The following ADAMTS12 variants were observed in gnomAD, a reference collection of about 807,000 sequenced individuals.
ADAMTS12 encodes A disintegrin and metalloproteinase with thrombospondin motifs 12.
In ADAMTS12, 118 loss-of-function variants were observed where a neutral mutation model predicts 167.8. The ratio of observed to expected loss-of-function variants is 0.70; its 90% CI spans 0.61 to 0.82. ADAMTS12 has a LOEUF of 0.82. Ranked by LOEUF, ADAMTS12 falls within the 40% of genes least tolerant of loss-of-function variation. The pLI is 0.00. For missense variants in ADAMTS12, 1,916 were observed against 1,998.8 expected (o/e 0.96, Z 0.79); for synonymous variants, 704 against 716.9 (o/e 0.98, Z 0.29).
intron 2 of ADAMTS12, among the ~76,000 whole-genome samples, chr5:33,757,323 T>C (rs1240147998): frequency 1.3e-5 from 2 of 152,124 alleles, no homozygotes; most frequent in Non-Finnish European, 2.9e-5. Flanking sequence ...TTCACCAAAA[T>C]TAAAATGAAT....
chr5:33,788,645 T>C (rs564677237), intron 2 of ADAMTS12, among the ~76,000 whole-genome samples: 2 of 152,272 alleles, frequency 1.3e-5, no homozygotes, highest in Non-Finnish European at 2.9e-5. Context: ...CAGGAAGCTA[T>C]TTTGAATTTC....
intron 3 of ADAMTS12, among the ~76,000 whole-genome samples, chr5:33,710,753 C>T (rs1470858592): frequency 1.3e-5 from 2 of 152,132 alleles, no homozygotes; most frequent in African/African-American, 4.8e-5. Flanking sequence ...AGAAGCATCA[C>T]TTTGAGGGTG....
intron 1 of ADAMTS12, among the ~76,000 whole-genome samples, chr5:33,883,855 T>C (rs1184879971): frequency 6.6e-6 from 1 of 152,188 alleles, no homozygotes; most frequent in African/African-American, 2.4e-5. Context: ...CCCTAAGAAA[T>C]GTCTGCTCCA....
At chr5:33,667,438 G>T (rs1741515053) in intron 5 of ADAMTS12, among the ~76,000 whole-genome samples, 1 of 151,684 alleles carries the variant, frequency 6.6e-6, no homozygotes, top group Admixed American at 6.6e-5. Context: ...ACCATTGGTT[G>T]TATCTGTAGC....
intron 3 of ADAMTS12, among the ~76,000 whole-genome samples, chr5:33,750,831 G>A (rs377613605): frequency 6.6e-5 from 10 of 152,196 alleles, no homozygotes; most frequent in East Asian, 1.9e-4. Context: ...GGCAGGGAAC[G>A]CAGCTCAGCA....
At chr5:33,663,109 C>A (rs536615127) in intron 5 of ADAMTS12, among the ~76,000 whole-genome samples, 2 of 152,364 alleles carry the variant, frequency 1.3e-5, no homozygotes, top group South Asian at 4.1e-4. Flanking sequence ...CTATTATAGA[C>A]CAGTTTCCTT....
intron 6 of ADAMTS12, among the ~76,000 whole-genome samples, chr5:33,658,789 T>C (rs573519471): frequency 6.6e-6 from 1 of 152,214 alleles, no homozygotes; most frequent in Non-Finnish European, 1.5e-5. Flanking sequence ...ATGAAAAAGA[T>C]AGTTGGTCCC....
intron 19 of ADAMTS12, among the ~76,000 whole-genome samples, chr5:33,568,708 G>C (rs980699235): frequency 6.6e-6 from 1 of 152,230 alleles, no homozygotes; most frequent in Non-Finnish European, 1.5e-5. Context: ...TGAGGTACCG[G>C]GTTCATCTCA....
chr5:33,723,962 G>C (rs1743889779), intron 3 of ADAMTS12, among the ~76,000 whole-genome samples: 1 of 152,156 alleles, frequency 6.6e-6, no homozygotes, highest in Admixed American at 6.6e-5. Flanking sequence ...ATCTTTACTG[G>C]GCAAAGCTCC....
rs114260414 is a variant in ADAMTS12, at chr5:33,772,291, C to T, written c.490-20743G>A. 7.9e-3 allele frequency among the ~76,000 whole-genome samples: 1,205 copies of T among 152,292 alleles called. 17 individuals carry two copies. Among genetic ancestry groups the T allele is most frequent in the African/African-American group, 0.028 (1,155 of 41,562 alleles). On this transcript the variant is annotated intron_variant, in intron 2 of 23. Transcript: ENST00000504830. The stretch of plus-strand genomic sequence containing the variant: ...CAAAAAAGGACACTGTCATCTGCCT[C>T]ACCTATCTGGTCCCATCCTGTGCTC...
At chr5:33,717,982 C>A (rs1743673673) in intron 3 of ADAMTS12, among the ~76,000 whole-genome samples, 1 of 152,170 alleles carries the variant, frequency 6.6e-6, no homozygotes, top group Admixed American at 6.6e-5. Flanking sequence ...TCTGTGTGTT[C>A]CCATTTGTGA....
At chr5:33,532,434 G>A (rs1020056702) in intron 23 of ADAMTS12, among the ~76,000 whole-genome samples, 7 of 148,800 alleles carry the variant, frequency 4.7e-5, no homozygotes, top group Non-Finnish European at 8.9e-5. Context: ...CGACTTAAAT[G>A]TTCATCTGTA....
rs542232155 is a variant in ADAMTS12 at position 33,626,974 on chromosome 5, T to C, written c.2023-2623A>G. 1.0e-3 allele frequency among the ~76,000 whole-genome samples: 154 copies of C among 149,128 alleles called. 2 individuals are homozygous for C. The highest frequency in any genetic ancestry group is 0.01 in the Admixed American group (154 of 15,038). On this transcript the variant is annotated intron_variant, in intron 13 of 23. Coordinates refer to ENST00000504830, the MANE Select transcript of ADAMTS12 (RefSeq NM_030955.4). ...GATGGTGGTGGTGGTTATGTGGTAG[T>C]GGTAATGATGATTTGATGGTAATGG...
At chr5:33,557,795 G>A (rs1561124255) in intron 20 of ADAMTS12, among the ~76,000 whole-genome samples, 1 of 152,132 alleles carries the variant, frequency 6.6e-6, no homozygotes, top group Non-Finnish European at 1.5e-5. Context: ...GGGCGAGCAA[G>A]CAAAGCTTTA....
chr5:33,824,692 G>A (rs1486821284), intron 2 of ADAMTS12, among the ~76,000 whole-genome samples: 1 of 152,180 alleles, frequency 6.6e-6, no homozygotes, highest in East Asian at 1.9e-4. Context: ...AAGTGAGGAA[G>A]AAAGGCTCGT....
chr5:33,585,152 T>G (rs901177618), intron 18 of ADAMTS12, among the ~76,000 whole-genome samples: 3 of 152,120 alleles, frequency 2.0e-5, no homozygotes, highest in Non-Finnish European at 2.9e-5. Flanking sequence ...TGATTAAAAA[T>G]CTCATATAAT....
At chr5:33,634,770 C>A (rs1021783550) in intron 12 of ADAMTS12, among the ~76,000 whole-genome samples, 1 of 151,906 alleles carries the variant, frequency 6.6e-6, no homozygotes, top group Non-Finnish European at 1.5e-5. Context: ...TCTATAGTAA[C>A]CACAGAAAGG....
intron 17 of ADAMTS12, among the ~76,000 whole-genome samples, chr5:33,593,933 C>A (rs1747775602): frequency 6.6e-6 from 1 of 152,316 alleles, no homozygotes; most frequent in Non-Finnish European, 1.5e-5. Context: ...TCCTCATATA[C>A]CACCTCAGAG....
chr5:33,862,737 CA>C (rs1356951025), intron 2 of ADAMTS12, among the ~76,000 whole-genome samples: 1 of 151,882 alleles, frequency 6.6e-6, no homozygotes, highest in Non-Finnish European at 1.5e-5. Flanking sequence ...AGAAACACAA[CA>C]AAAAAAGAAA....
Sources: gnomAD v4.1 joint callset for allele counts (sites outside exome capture counted in the v4.1 genomes callset) on GRCh38, gnomAD v4.1.1 for gene constraint, MANE v1.5 for transcripts, NCBI Gene and HGNC (gene_info 2026-07-23, HGNC 2026-07-21) for gene names.